MAOB: variants seen among roughly 807,000 people sequenced by gnomAD.
MAOB encodes the protein amine oxidase [flavin-containing] B.
In MAOB, 15 loss-of-function variants were observed where a neutral mutation model predicts 41.9. That is an observed-to-expected ratio of 0.36 (90% CI 0.24 to 0.55). MAOB has a LOEUF of 0.55. Ranked by LOEUF, MAOB falls within the 20% of genes least tolerant of loss-of-function variation. MAOB has a pLI of 0.86. For synonymous variants in MAOB, 167 were observed against 144.2 expected (o/e 1.16, Z -1.13); for missense variants, 345 against 398.7 (o/e 0.87, Z 1.15).
At chrX:43,819,394 A>G (rs892099754) in intron 3 of MAOB, among the ~76,000 whole-genome samples, 2 of 110,841 alleles carry the variant, frequency 1.8e-5, no homozygotes, top group African/African-American at 6.6e-5. Context: ...CTCTTGCCCC[A>G]CTCAGGACAG....
chrX:43,774,603 T>C (rs190122575), intron 12 of MAOB, among the ~76,000 whole-genome samples: 1 of 112,096 alleles, frequency 8.9e-6, no homozygotes, highest in Admixed American at 9.5e-5. Flanking sequence ...AAGTTTGTTA[T>C]TGGTAGAATC....
At chrX:43,859,589 C>A (rs1272683093) in intron 1 of MAOB, among the ~76,000 whole-genome samples, 1 of 111,579 alleles carries the variant, frequency 9.0e-6, no homozygotes, top group African/African-American at 3.3e-5. Context: ...ACACCTTCAC[C>A]TTTGCCTGTA....
chrX:43,803,987 ATACCACCTGG>A (rs1480814675), intron 3 of MAOB, among the ~76,000 whole-genome samples: 11 of 111,722 alleles, frequency 9.8e-5, no homozygotes, highest in Non-Finnish European at 1.9e-4. Flanking sequence ...TAGACATGTT[ATACCACCTGG>A]TTCTTCCCAC....
intron 10 of MAOB, 43 bp downstream of exon 10, chrX:43,780,299 G>A (rs766062152): frequency 1.9e-6 from 2 of 1,035,084 alleles, no homozygotes; most frequent in African/African-American, 1.9e-5. Flanking sequence ...GAGTGGGGGG[G>A]AAAGGAAGGA....
chrX:43,779,883 A>G (rs2034307455), intron 10 of MAOB, among the ~76,000 whole-genome samples: 2 of 111,754 alleles, frequency 1.8e-5, no homozygotes, highest in African/African-American at 6.5e-5. Context: ...TGCCACCTCC[A>G]GAGGAATTAG....
chrX:43,769,130 A>G (rs2034148502), intron 13 of MAOB, among the ~76,000 whole-genome samples, 177 bp downstream of exon 13: 1 of 111,519 alleles, frequency 9.0e-6, no homozygotes, highest in African/African-American at 3.3e-5. Context: ...AGGTATTTTC[A>G]TTATTACTTC....
At chrX:43,871,336 G>T (rs2035406417) in intron 1 of MAOB, among the ~76,000 whole-genome samples, 1 of 110,868 alleles carries the variant, frequency 9.0e-6, no homozygotes. Context: ...AACACTCTAT[G>T]TACATTAGAA....
At chrX:43,773,999 T>C (rs1421113968) in intron 12 of MAOB, among the ~76,000 whole-genome samples, 8 of 112,238 alleles carry the variant, frequency 7.1e-5, no homozygotes, top group Middle Eastern at 4.2e-3. Flanking sequence ...CAGAATGTTC[T>C]CTTGGATAAT....
At chrX:43,857,114 TATAGAGAGAGAGAGAGAGAGAGAG>T (rs1238942294) in intron 1 of MAOB, among the ~76,000 whole-genome samples, 53 of 11,459 alleles carry the variant, frequency 4.6e-3, no homozygotes, top group Non-Finnish European at 5.5e-3. Context: ...TATATATATA[TATAGAGAGAGAGAGAGAGAGAGAG>T]AGAGAGAGAG....
chrX:43,793,298 A>G, intron 8 of MAOB, 121 bp downstream of exon 8: 1 of 505,069 alleles, frequency 2.0e-6, no homozygotes, highest in Non-Finnish European at 3.2e-6. Context: ...TATCCATGTA[A>G]CAAATCTGCA....
chrX:43,859,116 AG>A (rs1418772937), intron 1 of MAOB, among the ~76,000 whole-genome samples: 1 of 111,705 alleles, frequency 9.0e-6, no homozygotes, highest in Non-Finnish European at 1.9e-5. Flanking sequence ...AAAGATTTAG[AG>A]AAAAACAAAA....
At chrX:43,770,104 G>T (rs1245954085) in intron 12 of MAOB, among the ~76,000 whole-genome samples, 2 of 111,215 alleles carry the variant, frequency 1.8e-5, no homozygotes, top group African/African-American at 6.5e-5. Flanking sequence ...CCAGAAGAGG[G>T]CCTACTGATG....
chrX:43,802,738 A>G (rs1213110565), intron 4 of MAOB, among the ~76,000 whole-genome samples: 1 of 107,328 alleles, frequency 9.3e-6, no homozygotes, highest in African/African-American at 3.4e-5. Flanking sequence ...ATGAAAACAT[A>G]TGGACACAGG....
intron 12 of MAOB, among the ~76,000 whole-genome samples, chrX:43,769,990 T>G (rs1225111664): frequency 9.0e-6 from 1 of 111,391 alleles, no homozygotes; most frequent in Non-Finnish European, 1.9e-5. Context: ...ATTATCACCA[T>G]TTTGCAGATA....
chrX:43,778,789 A>G (rs746823008), intron 10 of MAOB, 50 bp from the exon 11 acceptor site: 1 of 1,016,018 alleles, frequency 9.8e-7, no homozygotes, highest in Non-Finnish European at 1.4e-6. Flanking sequence ...AAGGGAGGGA[A>G]AAAAAAAGTG....
At chrX:43,808,507 G>A (rs1192246202) in intron 3 of MAOB, among the ~76,000 whole-genome samples, 2 of 110,705 alleles carry the variant, frequency 1.8e-5, no homozygotes, top group African/African-American at 3.3e-5. Flanking sequence ...TTCAGAAAGT[G>A]AGAGCTCAGT....
At chrX:43,778,583 G>T in intron 11 of MAOB, 99 bp downstream of exon 11, 1 of 665,057 alleles carries the variant, frequency 1.5e-6, no homozygotes, top group South Asian at 2.8e-5. Context: ...GGAAAAACAT[G>T]AACTTCAGGA....
At chrX:43,802,930 G>A (rs756342670) in intron 4 of MAOB, among the ~76,000 whole-genome samples, 232 of 111,241 alleles carry the variant, frequency 2.1e-3, no homozygotes, top group Non-Finnish European at 2.8e-3. Context: ...CATGTATCCC[G>A]GAGCTTAAAG....
At position 43,778,761 on chromosome X, in the gene MAOB, A is replaced by C. The variant is rs746138841; in HGVS notation, c.1080-22T>G. ...CAACCTGTGAATGAAAAGAGACAAA[A>C]GAGAAAATAAAGGAAAGAAGGGAGG... On this transcript the variant is annotated intron_variant, in intron 10 of 14. Transcript: ENST00000378069. 9 of 1,161,367 alleles carry C rather than the reference A, an allele frequency of 7.7e-6. No individual in the cohort carries two copies. In the South Asian group the frequency reaches 1.7e-4, roughly 22 times the overall value.
Sources: gnomAD v4.1 joint callset for allele counts (sites outside exome capture counted in the v4.1 genomes callset) on GRCh38, gnomAD v4.1.1 for gene constraint, MANE v1.5 for transcripts, NCBI Gene and HGNC (gene_info 2026-07-23, HGNC 2026-07-21) for gene names.